Variants in CAPS2 observed in about 807,000 individuals in gnomAD.
CAPS2 encodes the protein calcyphosin-2.
In CAPS2, 98 loss-of-function variants were observed where a neutral mutation model predicts 86.5. The observed-to-expected ratio is 1.13, with a 90% confidence interval of 0.96 to 1.34. The LOEUF is 1.34. Among genes scored for constraint, CAPS2 ranks in the 40% most tolerant of loss-of-function variants. The probability of loss-of-function intolerance (pLI) is 0.00; values close to 1 mark genes in which losing one functional copy is unlikely to be tolerated. For missense variants in CAPS2, 729 were observed against 686.8 expected, an observed-to-expected ratio of 1.06 and a Z score of -0.69; for synonymous variants, 210 against 225.1, an observed-to-expected ratio of 0.93 and a Z score of 0.60.
intron 1 of CAPS2, among the ~76,000 whole-genome samples, chr12:75,378,154 C>T (rs184012296): frequency 2.6e-5 from 4 of 152,068 alleles, no homozygotes; most frequent in East Asian, 1.9e-4. Context: ...CGTGCCACCA[C>T]GCCTGGCTAA....
rs771352102 is a variant in CAPS2 at position 75,323,214 on chromosome 12, C to T, written c.140G>A (p.Arg47Gln). ...GTCAACAAGGCTTCCCAAATCAAGT[C>T]GTGGGACCCTGAAAGACATAATCTA... Residue 47 changes from arginine (R) to glutamine (Q), a missense_variant, in exon 3 of 17, where the codon CGA becomes CAA. Physicochemically the swap from Arg to Gln is conservative, Grantham distance 43. Coordinates refer to ENST00000393284, the Ensembl canonical transcript of CAPS2. The T allele has an allele frequency of 2.4e-5, 37 of 1,543,728 alleles. No individual in the cohort carries two copies. The highest frequency in any genetic ancestry group is 1.9e-4 in the African/African-American group (14 of 72,854).
At position 75,321,567 on chromosome 12, in the gene CAPS2, T is replaced by C. The variant is rs1227216218; in HGVS notation, c.301A>G (p.Ile101Val). 4.5e-6 allele frequency: 7 copies of C among 1,540,786 alleles called. No homozygotes were observed. The East Asian group carries it at 1.5e-4, about 32-fold the overall frequency. ...GGTGCTGGCAAATTTTCAGGTATTATGTTCTGATCCTATAGGTAAAAAGAA... is the reference window on the plus strand; with the variant it reads ...GGTGCTGGCAAATTTTCAGGTATTACGTTCTGATCCTATAGGTAAAAAGAA... The change falls in exon 5 of 17, where the codon ATA becomes GTA. Residue 101 changes from isoleucine (I) to valine (V), a missense_variant. Transcript: ENST00000393284.
At chr12:75,317,343 C>A (rs576209980) in intron 5 of CAPS2, among the ~76,000 whole-genome samples, 1 of 152,036 alleles carries the variant, frequency 6.6e-6, no homozygotes, top group Non-Finnish European at 1.5e-5. Flanking sequence ...TATTTATTTA[C>A]CCACTAATAT....
intron 1 of CAPS2, among the ~76,000 whole-genome samples, chr12:75,376,546 C>T (rs1033431301): frequency 6.6e-6 from 1 of 152,122 alleles, no homozygotes; most frequent in South Asian, 2.1e-4. Context: ...TCAGGCAGTA[C>T]AGGGTTAATC....
At chr12:75,338,340 A>ACTCC (rs971222266) in intron 1 of CAPS2, among the ~76,000 whole-genome samples, 13 of 152,118 alleles carry the variant, frequency 8.5e-5, no homozygotes, top group African/African-American at 3.1e-4. Flanking sequence ...TTAACAGAAA[A>ACTCC]CTCCCCAGAA....
At chr12:75,345,285 CAG>C (rs938523162) in intron 1 of CAPS2, among the ~76,000 whole-genome samples, 7 of 151,908 alleles carry the variant, frequency 4.6e-5, no homozygotes, top group African/African-American at 1.7e-4. Flanking sequence ...CTGCAAATCT[CAG>C]GGGTATTATG....
chr12:75,358,044 AC>A (rs2043269496), intron 1 of CAPS2, among the ~76,000 whole-genome samples: 2 of 151,818 alleles, frequency 1.3e-5, no homozygotes, highest in African/African-American at 4.8e-5. Flanking sequence ...ACAGTTAAAA[AC>A]ATCGATGAAA....
chr12:75,322,811 A>T, intron 4 of CAPS2: 1 of 551,734 alleles, frequency 1.8e-6, no homozygotes, highest in Non-Finnish European at 3.3e-6. Flanking sequence ...TAAAATACCA[A>T]TTTCCATGTG....
intron 1 of CAPS2, among the ~76,000 whole-genome samples, chr12:75,340,542 T>G (rs1025632078): frequency 3.9e-5 from 6 of 151,998 alleles, no homozygotes; most frequent in Non-Finnish European, 8.8e-5. Flanking sequence ...TTATTTTGAT[T>G]TTTATCAAGA....
intron 1 of CAPS2, among the ~76,000 whole-genome samples, chr12:75,345,307 C>T (rs2042378516): frequency 6.6e-6 from 1 of 151,868 alleles, no homozygotes; most frequent in Admixed American, 6.6e-5. Flanking sequence ...GTTGTGTTGC[C>T]TAATGTCTTG....
chr12:75,310,472 G>T (rs550559384), intron 7 of CAPS2, among the ~76,000 whole-genome samples: 350 of 152,290 alleles, frequency 2.3e-3, no homozygotes, highest in Non-Finnish European at 3.9e-3. Context: ...ATGGAACCTG[G>T]TATGTTCCAG....
chr12:75,306,144 CGAG>C (rs2138680150), intron 7 of CAPS2: 1 of 1,066,830 alleles, frequency 9.4e-7, no homozygotes, highest in Non-Finnish European at 1.4e-6. Flanking sequence ...AGCTCATCAC[CGAG>C]GAGTTCGTCC....
intron 12 of CAPS2, among the ~76,000 whole-genome samples, chr12:75,292,633 T>C (rs1357856616): frequency 6.8e-6 from 1 of 147,132 alleles, no homozygotes; most frequent in Non-Finnish European, 1.5e-5. Flanking sequence ...ATATTATGTA[T>C]GTATAGATCT....
intron 1 of CAPS2, among the ~76,000 whole-genome samples, chr12:75,339,046 T>C (rs997493912): frequency 5.9e-5 from 9 of 152,226 alleles, no homozygotes; most frequent in African/African-American, 2.2e-4. Context: ...CTATTGTGAA[T>C]AGTGTGCAGT....
intron 8 of CAPS2, among the ~76,000 whole-genome samples, chr12:75,301,517 C>A (rs555764742): frequency 1.3e-5 from 2 of 152,312 alleles, no homozygotes; most frequent in South Asian, 4.1e-4. Context: ...GAGAATTTCC[C>A]AGATACTAGT....
rs1384734748 is a variant in CAPS2 at position 75,326,476 on chromosome 12, A to C, written c.23T>G (p.Val8Gly). 48 of 1,545,446 alleles carry C rather than the reference A, an allele frequency of 3.1e-5. No homozygotes were observed. The highest frequency in any genetic ancestry group is 4.1e-5 in the Non-Finnish European group (47 of 1,141,532). Residue 8 changes from valine (V) to glycine (G), a missense_variant, in exon 1 of 17, where the codon GTT becomes GGT. Physicochemically the swap from Val to Gly is moderately radical, Grantham distance 109. Transcript: ENST00000393284. Reference sequence around the variant, plus strand: ...AATTTGGCTCCTAGAAGTGGCAGCAACTCCTTTAACCTCTAAATCCATTTG... The same window carrying C: ...AATTTGGCTCCTAGAAGTGGCAGCACCTCCTTTAACCTCTAAATCCATTTG...
upstream of CAPS2, among the ~76,000 whole-genome samples, chr12:75,326,701 G>A (rs2040819773): frequency 6.6e-6 from 1 of 152,156 alleles, no homozygotes; most frequent in African/African-American, 2.4e-5. Context: ...GTGTTAGTAT[G>A]AATAATGGGC....
intron 1 of CAPS2, among the ~76,000 whole-genome samples, chr12:75,382,956 G>A (rs993836138): frequency 1.3e-5 from 2 of 152,070 alleles, no homozygotes; most frequent in African/African-American, 2.4e-5. Flanking sequence ...TCAGGAAACC[G>A]AATGTGATAA....
Position 75,389,008 on chromosome 12 carries a change from A to C in CAPS2, c.-395+1830T>G, listed in dbSNP as rs568543518. On this transcript the variant is annotated intron_variant, in intron 1 of 5. Transcript: ENST00000551829. ...GTAAAAAAAACAAAACAAAACAAAA[A>C]AAACACAGAAGTAGCTCTACCACTC... Among the ~76,000 whole-genome samples the C allele has an allele frequency of 4.6e-5, 7 of 152,318 alleles. No homozygotes were observed. The South Asian group carries it at 6.2e-4, about 14-fold the overall frequency.
Sources: allele counts gnomAD v4.1 joint callset (sites outside exome capture counted in the v4.1 genomes callset), GRCh38; gene constraint gnomAD v4.1.1; transcripts MANE v1.5; gene names NCBI Gene and HGNC (gene_info 2026-07-23, HGNC 2026-07-21).